Variants in LYPLAL1 observed in about 807,000 individuals in gnomAD.
LYPLAL1 encodes the protein lysophospholipase like 1.
Under a neutral mutation model 19.7 loss-of-function variants are expected in LYPLAL1, and 23 were observed. The observed-to-expected ratio is 1.17, with a 90% CI of 0.84 to 1.65. The LOEUF (loss-of-function observed/expected upper bound fraction) is 1.65. LYPLAL1 is among the 40% of genes most tolerant of loss of function. The probability of loss-of-function intolerance (pLI) is 0.00; values close to 1 mark genes in which losing one functional copy is unlikely to be tolerated. For synonymous variants in LYPLAL1, 119 were observed against 96.3 expected, an observed-to-expected ratio of 1.24 and a Z score of -1.38; for missense variants, 355 against 279.4, an observed-to-expected ratio of 1.27 and a Z score of -1.93.
At chr1:219,263,702 A>G in the LYPLAL1 span, among the ~76,000 whole-genome samples, 7 of 152,282 alleles carry the variant, frequency 4.6e-5, no homozygotes, top group East Asian at 1.2e-3. Flanking sequence ...GAGTGCCTAC[A>G]GGGCTCTTCC....
chr1:219,247,809 A>C, the LYPLAL1 span, among the ~76,000 whole-genome samples: 3 of 152,118 alleles, frequency 2.0e-5, no homozygotes, highest in Non-Finnish European at 4.4e-5. Flanking sequence ...CCCATGTTAG[A>C]CTTTTTTTTT....
At chr1:219,190,781 A>G (rs188706089) in intron 2 of LYPLAL1, among the ~76,000 whole-genome samples, 6 of 151,736 alleles carry the variant, frequency 4.0e-5, no homozygotes, top group African/African-American at 1.4e-4. Flanking sequence ...GACAATAGGA[A>G]AAAATAATAG....
the LYPLAL1 span, among the ~76,000 whole-genome samples, chr1:219,290,931 T>C: frequency 4.6e-5 from 7 of 152,294 alleles, no homozygotes; most frequent in South Asian, 1.4e-3. Flanking sequence ...GCACAGTTTA[T>C]GGTCATGGAA....
the LYPLAL1 span, among the ~76,000 whole-genome samples, chr1:219,366,975 C>T: frequency 6.6e-6 from 1 of 151,982 alleles, no homozygotes; most frequent in African/African-American, 2.4e-5. Context: ...AGGAAAATAA[C>T]TTGATTAAAT....
At chr1:219,326,645 T>G in the LYPLAL1 span, among the ~76,000 whole-genome samples, 1 of 152,202 alleles carries the variant, frequency 6.6e-6, no homozygotes, top group African/African-American at 2.4e-5. Context: ...GCGCCTTTCC[T>G]GTAGTGTGGA....
chr1:219,341,684 T>A, the LYPLAL1 span, among the ~76,000 whole-genome samples: 1 of 152,096 alleles, frequency 6.6e-6, no homozygotes, highest in Non-Finnish European at 1.5e-5. Context: ...AATACACTTA[T>A]CATTTTTTTC....
the LYPLAL1 span, among the ~76,000 whole-genome samples, chr1:219,264,652 C>T: frequency 1.3e-5 from 2 of 152,062 alleles, no homozygotes; most frequent in African/African-American, 2.4e-5. Context: ...TGGACTAACC[C>T]GGGCTTTTAG....
chr1:219,314,288 C>T, the LYPLAL1 span, among the ~76,000 whole-genome samples: 2 of 152,154 alleles, frequency 1.3e-5, no homozygotes, highest in South Asian at 2.1e-4. Context: ...GATGAATATA[C>T]ATGTGCATGT....
At chr1:219,396,291 A>G in the LYPLAL1 span, among the ~76,000 whole-genome samples, 2 of 152,060 alleles carry the variant, frequency 1.3e-5, no homozygotes, top group Non-Finnish European at 2.9e-5. Flanking sequence ...CCATTGGTCT[A>G]TGTACCTCTT....
At chr1:219,202,660 C>T (rs954167859) in intron 3 of LYPLAL1, among the ~76,000 whole-genome samples, 2 of 152,080 alleles carry the variant, frequency 1.3e-5, no homozygotes, top group Non-Finnish European at 2.9e-5. Flanking sequence ...GCACACACAA[C>T]CCATAGTGAG....
the LYPLAL1 span, among the ~76,000 whole-genome samples, chr1:219,438,131 C>T: frequency 2.0e-5 from 3 of 152,052 alleles, no homozygotes; most frequent in Non-Finnish European, 2.9e-5. Flanking sequence ...GGCATAGGCC[C>T]CTCAAAGAAT....
At chr1:219,353,813 A>C in the LYPLAL1 span, among the ~76,000 whole-genome samples, 1 of 152,340 alleles carries the variant, frequency 6.6e-6, no homozygotes, top group Non-Finnish European at 1.5e-5. Context: ...ACCCAATAGA[A>C]ATACATCAAA....
chr1:219,355,141 C>T, the LYPLAL1 span, among the ~76,000 whole-genome samples: 1 of 152,126 alleles, frequency 6.6e-6, no homozygotes, highest in African/African-American at 2.4e-5. Flanking sequence ...TCTACATAAC[C>T]AACACAGTAG....
Position 219,212,558 on chromosome 1 carries a change from A to G in LYPLAL1, c.*830A>G, listed in dbSNP as rs780235462. On this transcript the variant is annotated 3_prime_UTR_variant, in exon 5 of 5. Transcript: ENST00000366928. ...ATACTATAAATAATAACATTTTCAT[A>G]TATTAGTTGGTTCTCATGCATACAT... is the stretch of plus-strand genomic sequence containing the variant. 1 of 152,054 alleles carries G rather than the reference A, an allele frequency of 6.6e-6. No homozygotes were observed. The highest frequency in any genetic ancestry group is 1.5e-5 in the Non-Finnish European group (1 of 67,946). The allele number at this position is 152,054 out of a possible 1,614,324, so 9.4% of individuals were successfully genotyped here. A position where few individuals can be genotyped will look rare whatever the true frequency, so the allele number is the denominator to read the frequency against.
the LYPLAL1 span, among the ~76,000 whole-genome samples, chr1:219,237,248 A>C: frequency 6.6e-6 from 1 of 152,198 alleles, no homozygotes; most frequent in Admixed American, 6.5e-5. Context: ...ATGGATTACT[A>C]TATGTTTCAA....
the LYPLAL1 span, among the ~76,000 whole-genome samples, chr1:219,227,849 C>T: frequency 6.6e-6 from 1 of 152,060 alleles, no homozygotes. Context: ...GGATGCTTTG[C>T]AACAGCATGT....
the LYPLAL1 span, among the ~76,000 whole-genome samples, chr1:219,427,568 C>G: frequency 3.9e-5 from 6 of 152,202 alleles, no homozygotes; most frequent in Admixed American, 1.3e-4. Flanking sequence ...CACCTCCAAC[C>G]TCTCTACAAA....
chr1:219,434,758 G>A, the LYPLAL1 span, among the ~76,000 whole-genome samples: 1,165 of 152,316 alleles, frequency 7.6e-3, 13 homozygotes, highest in Middle Eastern at 0.02. Flanking sequence ...CTGTCTAAAA[G>A]GAGATTAGAA....
the LYPLAL1 span, among the ~76,000 whole-genome samples, chr1:219,346,225 C>T: frequency 2.0e-5 from 3 of 152,026 alleles, no homozygotes; most frequent in African/African-American, 7.3e-5. Flanking sequence ...AAAGTTTATA[C>T]AGCAAGGAAG....
Sources: allele counts gnomAD v4.1 joint callset (sites outside exome capture counted in the v4.1 genomes callset), GRCh38; gene constraint gnomAD v4.1.1; transcripts MANE v1.5; gene names NCBI Gene and HGNC (gene_info 2026-07-23, HGNC 2026-07-21).